POU2F1: variants seen among roughly 807,000 people sequenced by gnomAD.
POU2F1 encodes POU class 2 homeobox 1.
Under a neutral mutation model 84.9 loss-of-function variants are expected in POU2F1, and 16 were observed. The observed-to-expected ratio is 0.19, with a 90% CI of 0.13 to 0.29. The LOEUF (loss-of-function observed/expected upper bound fraction) is 0.29. POU2F1 is among the 10% of genes least tolerant of loss of function. The pLI, the probability that POU2F1 is intolerant of heterozygous loss-of-function variation, is 1.00. For missense variants in POU2F1, 738 were observed against 942.6 expected, an observed-to-expected ratio of 0.78 and a Z score of 2.84; for synonymous variants, 368 against 368.3, an observed-to-expected ratio of 1.00 and a Z score of 0.01.
At chr1:167,393,885 A>T (rs1394649814) in intron 9 of POU2F1, among the ~76,000 whole-genome samples, 2 of 152,206 alleles carry the variant, frequency 1.3e-5, no homozygotes, top group African/African-American at 4.8e-5. Flanking sequence ...TGTAATCTAA[A>T]CAAGCTGACC....
intron 1 of POU2F1, among the ~76,000 whole-genome samples, chr1:167,233,107 T>A (rs1649185519): frequency 6.6e-6 from 1 of 151,940 alleles, no homozygotes; most frequent in East Asian, 1.9e-4. Flanking sequence ...TTAACTATAC[T>A]TTTTCTGTGT....
At chr1:167,292,043 G>C (rs542745797) in intron 1 of POU2F1, among the ~76,000 whole-genome samples, 139 of 152,166 alleles carry the variant, frequency 9.1e-4, no homozygotes, top group Non-Finnish European at 1.9e-3. Context: ...GTGTGTGTGT[G>C]TGTCTGTGTA....
chr1:167,318,582 T>G (rs780560987), intron 1 of POU2F1, among the ~76,000 whole-genome samples: 2 of 152,182 alleles, frequency 1.3e-5, no homozygotes, highest in Non-Finnish European at 2.9e-5. Flanking sequence ...TAAGAGCAGA[T>G]TTATTATGGT....
At chr1:167,232,792 G>A (rs185143228) in intron 1 of POU2F1, among the ~76,000 whole-genome samples, 14 of 151,396 alleles carry the variant, frequency 9.2e-5, no homozygotes, top group African/African-American at 3.2e-4. Context: ...GCAGTGAGCT[G>A]AGATTGCGCC....
At chr1:167,332,947 G>T (rs1206793645) in intron 2 of POU2F1, among the ~76,000 whole-genome samples, 6 of 152,102 alleles carry the variant, frequency 3.9e-5, no homozygotes, top group Non-Finnish European at 8.8e-5. Flanking sequence ...GATATATGTG[G>T]CATGTTAAGC....
intron 2 of POU2F1, among the ~76,000 whole-genome samples, chr1:167,358,083 T>C (rs1487944920): frequency 6.6e-6 from 1 of 151,428 alleles, no homozygotes; most frequent in African/African-American, 2.4e-5. Flanking sequence ...ATTACAGGCA[T>C]GAGCCACCGC....
chr1:167,409,135 C>T (rs1380342992), intron 13 of POU2F1, among the ~76,000 whole-genome samples: 1 of 152,190 alleles, frequency 6.6e-6, no homozygotes, highest in Non-Finnish European at 1.5e-5. Context: ...TTTTGTCCTA[C>T]TTTATTTACT....
intron 1 of POU2F1, among the ~76,000 whole-genome samples, chr1:167,280,880 A>G (rs1653084921): frequency 1.3e-5 from 2 of 152,186 alleles, no homozygotes. Context: ...ACTATGCTGT[A>G]TTGTATCAAT....
At chr1:167,248,671 A>T (rs946623512) in intron 1 of POU2F1, among the ~76,000 whole-genome samples, 1 of 152,200 alleles carries the variant, frequency 6.6e-6, no homozygotes, top group Non-Finnish European at 1.5e-5. Context: ...TTAGGTTGGG[A>T]TAAGGCGGTT....
intron 1 of POU2F1, among the ~76,000 whole-genome samples, chr1:167,304,442 A>C (rs1224611237): frequency 6.6e-6 from 1 of 152,212 alleles, no homozygotes; most frequent in Non-Finnish European, 1.5e-5. Flanking sequence ...TGTTCTTTCA[A>C]AGCACGTTAC....
At chr1:167,410,230 C>T (rs1439003654) in intron 13 of POU2F1, among the ~76,000 whole-genome samples, 1 of 152,110 alleles carries the variant, frequency 6.6e-6, no homozygotes, top group African/African-American at 2.4e-5. Flanking sequence ...ATTATGTTTA[C>T]CTCATTCATT....
chr1:167,249,858 G>A (rs550742221), intron 1 of POU2F1, among the ~76,000 whole-genome samples: 2 of 152,322 alleles, frequency 1.3e-5, no homozygotes, highest in East Asian at 1.9e-4. Flanking sequence ...GATGGGCCTT[G>A]TGTGTGCAGT....
chr1:167,342,033 A>G (rs1657894387), intron 2 of POU2F1, among the ~76,000 whole-genome samples: 2 of 151,990 alleles, frequency 1.3e-5, no homozygotes, highest in Admixed American at 6.6e-5. Flanking sequence ...CTTCTGCTCT[A>G]CTGTTCATGT....
intron 7 of POU2F1, 118 bp from the exon 8 acceptor site, chr1:167,383,739 A>G: frequency 1.3e-6 from 1 of 769,904 alleles, no homozygotes; most frequent in Non-Finnish European, 2.1e-6. Context: ...TTTTGATACC[A>G]GTAAGACTAC....
chr1:167,254,998 G>A (rs1333725284), intron 1 of POU2F1, among the ~76,000 whole-genome samples: 1 of 152,192 alleles, frequency 6.6e-6, no homozygotes, highest in East Asian at 1.9e-4. Flanking sequence ...TCATCTGTTT[G>A]TGAAGCTTTT....
intron 5 of POU2F1, among the ~76,000 whole-genome samples, chr1:167,373,039 T>C (rs901474310): frequency 3.9e-5 from 6 of 152,010 alleles, no homozygotes; most frequent in Non-Finnish European, 5.9e-5. Flanking sequence ...AGTAGAGATG[T>C]ATGTATATAT....
In POU2F1 at chr1:167,376,153, A is replaced by C. The variant is rs1222759154; in HGVS notation, c.716A>C (p.Gln239Pro). The C allele has an allele frequency of 1.2e-6, 2 of 1,614,202 alleles. No homozygotes were observed. Among genetic ancestry groups the C allele is most frequent in the Non-Finnish European group, 1.7e-6 (2 of 1,180,024 alleles). ...ATCTCACAGACGCCCCAGGGCCAGC[A>C]GGGTGAGCTCCTCCTTAGAGCTTAT... ...FIISQTPQGQ[Q>P]GLLQAQNLLT... is the part of the protein sequence containing the mutation. Residue 239 changes from glutamine to proline, a missense_variant and splice_region_variant, in exon 7 of 16, where the codon CAG (glutamine) becomes CCG (proline). This residue lies in a region of POU2F1 where 163 missense variants were observed against 214.4 expected (regional missense o/e 0.76). Transcript: ENST00000367866.
chr1:167,284,038 C>T (rs1053867495), intron 1 of POU2F1, among the ~76,000 whole-genome samples: 2 of 151,974 alleles, frequency 1.3e-5, no homozygotes, highest in African/African-American at 2.4e-5. Context: ...TATTTTTGAC[C>T]GCTCTTAGGG....
chr1:167,403,733 ATTGTTTTCC>A (rs1207995799), intron 13 of POU2F1, among the ~76,000 whole-genome samples: 3 of 152,126 alleles, frequency 2.0e-5, no homozygotes, highest in African/African-American at 7.2e-5. Flanking sequence ...CTTATTTTAA[ATTGTTTTCC>A]TTGTTTTCCT....
Sources: gnomAD v4.1 joint callset for allele counts (sites outside exome capture counted in the v4.1 genomes callset) on GRCh38, gnomAD v4.1.1 for gene constraint, gnomAD v4.1.1 regional missense constraint, MANE v1.5 for transcripts, NCBI Gene and HGNC (gene_info 2026-07-23, HGNC 2026-07-21) for gene names.